The following STK32B variants were observed in gnomAD, a reference collection of about 807,000 sequenced individuals.
The protein encoded by STK32B is serine/threonine-protein kinase 32B.
A neutral mutation model predicts 52.6 loss-of-function variants in STK32B; 43 were observed. The ratio of observed to expected loss-of-function variants is 0.82; its 90% CI spans 0.64 to 1.05. The LOEUF is 1.05. STK32B is among the 50% of genes least tolerant of loss of function. The pLI is 0.00. For missense variants in STK32B, 621 were observed against 534.6 expected (o/e 1.16, Z -1.59); for synonymous variants, 238 against 204.3 (o/e 1.17, Z -1.41).
rs749674629 is a variant in STK32B at position 5,414,026 on chromosome 4, A to G, written c.473-2819A>G. ...AGATATATTCAGGAATTCTTGTCACATATTCTATAGTAACAAGACAAACAA... is the reference window on the plus strand; with the variant it reads ...AGATATATTCAGGAATTCTTGTCACGTATTCTATAGTAACAAGACAAACAA... On this transcript the variant is annotated intron_variant, in intron 5 of 11. Coordinates refer to ENST00000282908, the MANE Select transcript of STK32B (RefSeq NM_018401.3). Among the ~76,000 whole-genome samples the G allele has an allele frequency of 1.3e-5, 2 of 152,214 alleles. 1 individual carries two copies. Among genetic ancestry groups the G allele is most frequent in the Non-Finnish European group, 2.9e-5 (2 of 68,040 alleles).
chr4:5,208,431 A>C (rs1220421338), intron 3 of STK32B, among the ~76,000 whole-genome samples: 5 of 152,220 alleles, frequency 3.3e-5, no homozygotes, highest in Admixed American at 3.3e-4. Flanking sequence ...TATATGATTT[A>C]TTGAGTTCTT....
chr4:5,349,515 A>C (rs966534173), intron 4 of STK32B, among the ~76,000 whole-genome samples: 1 of 152,270 alleles, frequency 6.6e-6, no homozygotes, highest in African/African-American at 2.4e-5. Flanking sequence ...AATTCAAAAA[A>C]TTGAAAAAAG....
chr4:5,033,702 C>T, the STK32B span, among the ~76,000 whole-genome samples: 21 of 152,162 alleles, frequency 1.4e-4, no homozygotes, highest in Non-Finnish European at 2.9e-5. Flanking sequence ...CTGCTACTTC[C>T]AGTGCACTCT....
intron 9 of STK32B, 51 bp from the exon 10 acceptor site, chr4:5,466,652 G>T: frequency 1.9e-6 from 3 of 1,555,588 alleles, no homozygotes; most frequent in Middle Eastern, 1.7e-4. Flanking sequence ...AGAAAATTCA[G>T]TGATGGGTGG....
At chr4:5,123,392 G>A (rs1403587176) in intron 1 of STK32B, among the ~76,000 whole-genome samples, 2 of 152,120 alleles carry the variant, frequency 1.3e-5, no homozygotes, top group Admixed American at 6.5e-5. Flanking sequence ...TCCATAACCC[G>A]GGGTCCTGAT....
At chr4:5,382,412 A>G (rs1735990344) in intron 4 of STK32B, among the ~76,000 whole-genome samples, 1 of 152,148 alleles carries the variant, frequency 6.6e-6, no homozygotes, top group African/African-American at 2.4e-5. Flanking sequence ...ACGGTGCCGG[A>G]TAATACAGCC....
At chr4:5,496,267 C>T (rs992258746) in intron 11 of STK32B, among the ~76,000 whole-genome samples, 3 of 152,234 alleles carry the variant, frequency 2.0e-5, no homozygotes, top group Non-Finnish European at 2.9e-5. Context: ...TTTACCTAAG[C>T]AAGCCTGGGC....
At chr4:5,065,504 G>A (rs929022883) in intron 1 of STK32B, among the ~76,000 whole-genome samples, 1 of 152,098 alleles carries the variant, frequency 6.6e-6, no homozygotes, top group African/African-American at 2.4e-5. Flanking sequence ...CCATCCCGCT[G>A]AATGCCACAT....
In STK32B at chr4:5,358,701, G is replaced by GCGCGCGCACACA. The variant is rs151338728; in HGVS notation, c.434+27309_434+27310insGCGCGCACACAC. Among the ~76,000 whole-genome samples, 298 of 106,804 alleles carry GCGCGCGCACACA rather than the reference G, an allele frequency of 2.8e-3. 1 individual carries two copies. The highest frequency in any genetic ancestry group is 9.3e-3 in the African/African-American group (228 of 24,594). The allele number at this position is 106,804 out of a possible 152,430, so 70.1% of individuals were successfully genotyped here. Reference sequence around the variant, plus strand: ...CATGCCAGGACACATTCACACACATGCACACACACACACACACACACAGGC... The same window carrying GCGCGCGCACACA: ...CATGCCAGGACACATTCACACACATGCGCGCGCACACACACACACACACACACACACACAGGC... On this transcript the variant is annotated intron_variant, in intron 4 of 11. Transcript: ENST00000282908.
In STK32B at chr4:5,331,184, C is replaced by T. The variant is rs936152320; in HGVS notation, c.261-36C>T. On this transcript the variant is annotated intron_variant, in intron 3 of 11. Transcript: ENST00000282908. Reference sequence around the variant, plus strand: ...GGTCTTGAGGGTGCTGAAGGTGCCTCCACCCCTAATCTTCTCTGTCCTTCT... The same window carrying T: ...GGTCTTGAGGGTGCTGAAGGTGCCTTCACCCCTAATCTTCTCTGTCCTTCT... 3 of 1,571,746 alleles carry T rather than the reference C, an allele frequency of 1.9e-6. No homozygotes were observed. The East Asian group carries it at 6.8e-5, about 36-fold the overall frequency.
intron 6 of STK32B, among the ~76,000 whole-genome samples, chr4:5,420,645 A>C (rs145466558): frequency 6.6e-6 from 1 of 152,294 alleles, no homozygotes; most frequent in East Asian, 1.9e-4. Flanking sequence ...AGGAGGATGC[A>C]GGAAGGCAGA....
chr4:5,221,434 C>T (rs1216240871), intron 3 of STK32B, among the ~76,000 whole-genome samples: 2 of 152,062 alleles, frequency 1.3e-5, no homozygotes, highest in African/African-American at 4.8e-5. Context: ...CTGTGTAAGG[C>T]TTGGAATGAT....
chr4:5,352,740 G>C (rs1344161338), intron 4 of STK32B, among the ~76,000 whole-genome samples: 1 of 145,758 alleles, frequency 6.9e-6, no homozygotes, highest in African/African-American at 2.6e-5. Context: ...GATAAATCGA[G>C]TAAAGTGGCT....
chr4:5,140,184 G>A (rs766124182), intron 2 of STK32B: 12 of 1,483,344 alleles, frequency 8.1e-6, no homozygotes, highest in African/African-American at 7.0e-5. Flanking sequence ...AATTACAATG[G>A]TATTTATTTC....
intron 3 of STK32B, among the ~76,000 whole-genome samples, chr4:5,253,418 A>G (rs1726075701): frequency 6.6e-6 from 1 of 152,152 alleles, no homozygotes; most frequent in South Asian, 2.1e-4. Flanking sequence ...TCTGTCACCC[A>G]GACTGGAGTG....
At chr4:5,411,179 G>T (rs1711637112) in intron 5 of STK32B, among the ~76,000 whole-genome samples, 1 of 152,108 alleles carries the variant, frequency 6.6e-6, no homozygotes, top group South Asian at 2.1e-4. Context: ...GGGACTACAG[G>T]TGCCCGCCAC....
chr4:5,085,527 G>A (rs542711872), intron 1 of STK32B, among the ~76,000 whole-genome samples: 25 of 152,322 alleles, frequency 1.6e-4, no homozygotes, highest in African/African-American at 5.5e-4. Flanking sequence ...CATGGCTCCG[G>A]ATAGTTCTAA....
At chr4:5,224,166 G>T (rs1378628407) in intron 3 of STK32B, among the ~76,000 whole-genome samples, 1 of 152,194 alleles carries the variant, frequency 6.6e-6, no homozygotes, top group East Asian at 1.9e-4. Flanking sequence ...GGGATGAAAT[G>T]ATTATATTTT....
At chr4:5,217,129 A>G (rs1723227568) in intron 3 of STK32B, among the ~76,000 whole-genome samples, 2 of 152,192 alleles carry the variant, frequency 1.3e-5, no homozygotes. Flanking sequence ...CCAATTATGC[A>G]TTGCCTTGTG....
Sources: gnomAD v4.1 joint callset for allele counts (sites outside exome capture counted in the v4.1 genomes callset) on GRCh38, gnomAD v4.1.1 for gene constraint, MANE v1.5 for transcripts, NCBI Gene and HGNC (gene_info 2026-07-23, HGNC 2026-07-21) for gene names.